AJAP1: variants seen among roughly 807,000 people sequenced by gnomAD.
AJAP1 encodes adherens junction-associated protein 1.
Under a neutral mutation model 35.0 loss-of-function variants are expected in AJAP1, and 5 were observed. The ratio of observed to expected loss-of-function variants is 0.14; its 90% CI spans 0.07 to 0.30. The LOEUF (loss-of-function observed/expected upper bound fraction) is 0.30, where lower values mean the gene tolerates loss of function less well. Ranked by LOEUF, AJAP1 falls within the 10% of genes least tolerant of loss-of-function variation. The probability of loss-of-function intolerance (pLI) is 1.00; values close to 1 mark genes in which losing one functional copy is unlikely to be tolerated. For synonymous variants in AJAP1, 284 were observed against 249.3 expected, an observed-to-expected ratio of 1.14 and a Z score of -1.31; for missense variants, 586 against 571.0, an observed-to-expected ratio of 1.03 and a Z score of -0.27.
At chr1:4,688,446 G>A (rs1639658580) in intron 1 of AJAP1, among the ~76,000 whole-genome samples, 1 of 152,074 alleles carries the variant, frequency 6.6e-6, no homozygotes, top group African/African-American at 2.4e-5. Context: ...ACAAACAAGT[G>A]ATTAACCTGA....
intron 2 of AJAP1, among the ~76,000 whole-genome samples, chr1:4,751,396 A>T (rs972216674): frequency 6.6e-6 from 1 of 152,256 alleles, no homozygotes. Flanking sequence ...AGGAGCTAGC[A>T]GAGAGGTCCC....
rs148621284 is a variant in AJAP1, at chr1:4,750,982, C to T, written c.830-18871C>T. The stretch of plus-strand genomic sequence containing the variant: ...TTCTCCCAATCCCCAGTGTAGAATC[C>T]GAGACTCTGAGTGGTCAGATGATCC... On this transcript the variant is annotated intron_variant, in intron 2 of 5. Transcript: ENST00000378191. Among the ~76,000 whole-genome samples, 1,478 of 151,230 alleles carry T rather than the reference C, an allele frequency of 9.8e-3. 15 individuals are homozygous for T. Among genetic ancestry groups the T allele is most frequent in the African/African-American group, 0.032 (1,307 of 41,096 alleles).
At chr1:4,696,117 G>C (rs1471196170) in intron 1 of AJAP1, among the ~76,000 whole-genome samples, 1 of 152,138 alleles carries the variant, frequency 6.6e-6, no homozygotes, top group Non-Finnish European at 1.5e-5. Context: ...CCTATAAAAA[G>C]CCAACCAGAA....
At chr1:4,675,230 A>G (rs1445239753) in intron 1 of AJAP1, among the ~76,000 whole-genome samples, 1 of 152,254 alleles carries the variant, frequency 6.6e-6, no homozygotes, top group Non-Finnish European at 1.5e-5. Context: ...TTCAGCTGCA[A>G]TAATTCACCA....
chr1:4,783,531 A>G lies in AJAP1; in HGVS notation c.*1046A>G, dbSNP rs1402924809. ...TATATGTTTGTGTGTGTATATATAT[A>G]TATATATATATATGTTTGTGTGTGT... On this transcript the variant is annotated 3_prime_UTR_variant, in exon 6 of 6. Coordinates refer to ENST00000378191, the MANE Select transcript of AJAP1 (RefSeq NM_018836.4). 1.3e-4 allele frequency: 19 copies of G among 145,146 alleles called. No individual in the cohort carries two copies. The South Asian group carries it at 3.7e-3, about 28-fold the overall frequency. The allele number at this position is 145,146 out of a possible 1,614,324, so 9.0% of individuals were successfully genotyped here. A position where few individuals can be genotyped will look rare whatever the true frequency, so the allele number is the denominator to read the frequency against.
chr1:4,713,654 C>A (rs542238785), intron 2 of AJAP1, among the ~76,000 whole-genome samples: 89 of 152,368 alleles, frequency 5.8e-4, no homozygotes, highest in African/African-American at 1.9e-3. Flanking sequence ...GTTTTCTCTG[C>A]CTCTGTTAAC....
At chr1:4,718,808 G>T (rs991888212) in intron 2 of AJAP1, among the ~76,000 whole-genome samples, 2 of 152,106 alleles carry the variant, frequency 1.3e-5, no homozygotes, top group Non-Finnish European at 2.9e-5. Flanking sequence ...TGGGAGAGCT[G>T]CTGGGTTCAA....
chr1:4,699,002 C>T (rs1043274050), intron 1 of AJAP1, among the ~76,000 whole-genome samples: 1 of 152,192 alleles, frequency 6.6e-6, no homozygotes, highest in African/African-American at 2.4e-5. Context: ...CTGTGTACCC[C>T]CTCCATCACA....
At chr1:4,774,169 T>C (rs388631) in intron 4 of AJAP1, among the ~76,000 whole-genome samples, 120,307 of 152,258 alleles carry the variant, frequency 0.79, 47,935 homozygotes, top group African/African-American at 0.83. Flanking sequence ...TTCCGGCCTG[T>C]GCAGCAAAGT....
rs376909909 is a variant in AJAP1 at position 4,712,041 on chromosome 1, G to A, written c.171G>A (p.Pro57=). 57 of 1,587,594 alleles carry A rather than the reference G, an allele frequency of 3.6e-5. No individual in the cohort carries two copies. The highest frequency in any genetic ancestry group is 2.2e-4 in the African/African-American group (16 of 72,276). The part of the protein sequence containing the change: ...GPEFWLLPRS[P]PRPPRLWSFR... ...AGTTCTGGCTCCTGCCGCGGTCGCC[G>A]CCCCGGCCGCCCCGGCTGTGGAGTT... The change falls in exon 2 of 6, where the codon CCG becomes CCA. Residue 57 remains proline, a synonymous_variant. Transcript: ENST00000378191.
chr1:4,686,114 G>T (rs924838809), intron 1 of AJAP1, among the ~76,000 whole-genome samples: 7 of 152,202 alleles, frequency 4.6e-5, no homozygotes, highest in African/African-American at 1.7e-4. Context: ...GCTGATGGTT[G>T]ATAGTTGCTG....
At chr1:4,681,950 T>C (rs377007414) in intron 1 of AJAP1, among the ~76,000 whole-genome samples, 1 of 152,320 alleles carries the variant, frequency 6.6e-6, no homozygotes, top group East Asian at 1.9e-4. Flanking sequence ...TGGTCAATCC[T>C]CATAGCAATC....
intron 2 of AJAP1, among the ~76,000 whole-genome samples, chr1:4,722,993 G>A (rs902977656): frequency 6.6e-6 from 1 of 152,234 alleles, no homozygotes; most frequent in South Asian, 2.1e-4. Flanking sequence ...GATCTGAGCC[G>A]GAGGTACTGG....
intron 2 of AJAP1, among the ~76,000 whole-genome samples, chr1:4,738,942 GAGA>G (rs1044078399): frequency 6.6e-6 from 1 of 152,150 alleles, no homozygotes; most frequent in African/African-American, 2.4e-5. Context: ...CACTTAGGAG[GAGA>G]AGGAGGTGGG....
rs1047386142 is a variant in AJAP1, at chr1:4,789,325, G to A, written c.*6840G>A. ...AAGAGAGTTCTAAGCCAAGACATGT[G>A]CTTGGGACTGGATTAACTCTTGTCA... is the stretch of plus-strand genomic sequence containing the variant. On this transcript the variant is annotated 3_prime_UTR_variant, in exon 6 of 6. Coordinates refer to ENST00000378191, the MANE Select transcript of AJAP1 (RefSeq NM_018836.4). This position sits in a 1 kb window ranked among gnomAD's most constrained non-coding sequence, Gnocchi z 4.4. The A allele has an allele frequency of 2.6e-5, 4 of 152,224 alleles. No individual in the cohort carries two copies. Among genetic ancestry groups the A allele is most frequent in the African/African-American group, 9.6e-5 (4 of 41,454 alleles). 9.4% of individuals were successfully genotyped at this position (152,224 alleles called of 1,614,324 possible). A position where few individuals can be genotyped will look rare whatever the true frequency, so the allele number is the denominator to read the frequency against.
rs542889545 is a variant in AJAP1 at position 4,729,088 on chromosome 1, T to C, written c.829+16389T>C. On this transcript the variant is annotated intron_variant, in intron 2 of 5. Coordinates refer to ENST00000378191, the MANE Select transcript of AJAP1 (RefSeq NM_018836.4). The stretch of plus-strand genomic sequence containing the variant: ...TGATACATCCTGGAAAAAAAATCAT[T>C]GAAATGAATTATACATCAACACCAA... 7.9e-5 allele frequency among the ~76,000 whole-genome samples: 12 copies of C among 152,234 alleles called. No homozygotes were observed. In the South Asian group the frequency reaches 2.3e-3, roughly 29 times the overall value.
intron 2 of AJAP1, among the ~76,000 whole-genome samples, chr1:4,722,983 G>A (rs1640557442): frequency 6.6e-6 from 1 of 152,120 alleles, no homozygotes. Flanking sequence ...AGAGTGGTGT[G>A]ATCTGAGCCG....
intron 1 of AJAP1, among the ~76,000 whole-genome samples, chr1:4,699,888 T>G (rs1032991173): frequency 6.6e-6 from 1 of 152,240 alleles, no homozygotes; most frequent in African/African-American, 2.4e-5. Context: ...GTGAGATGCT[T>G]AGCTCACTGC....
intron 1 of AJAP1, among the ~76,000 whole-genome samples, chr1:4,667,180 C>T (rs913668740): frequency 8.5e-5 from 13 of 152,084 alleles, no homozygotes; most frequent in Non-Finnish European, 1.2e-4. Flanking sequence ...CTGGCCTGGC[C>T]CCAGGAAACA....
Sources: gnomAD v4.1 joint callset for allele counts (sites outside exome capture counted in the v4.1 genomes callset) on GRCh38, gnomAD v4.1.1 for gene constraint, Gnocchi (gnomAD v3.1) non-coding constraint, MANE v1.5 for transcripts, NCBI Gene and HGNC (gene_info 2026-07-23, HGNC 2026-07-21) for gene names.